Variants in UGGT2 observed in about 807,000 individuals in gnomAD.
The protein encoded by UGGT2 is UDP-glucose:glycoprotein glucosyltransferase 2.
UGGT2 carries 180 observed loss-of-function variants against 192.1 expected under a neutral mutation model. The observed-to-expected ratio is 0.94, with a 90% CI of 0.83 to 1.06. The LOEUF (loss-of-function observed/expected upper bound fraction) is 1.06, where lower values mean the gene tolerates loss of function less well. Among genes scored for constraint, UGGT2 ranks in the 50% least tolerant of loss-of-function variants. The probability of loss-of-function intolerance (pLI) is 0.00; values close to 1 mark genes in which losing one functional copy is unlikely to be tolerated. For synonymous variants in UGGT2, 580 were observed against 591.0 expected (o/e 0.98, Z 0.27); for missense variants, 1,849 against 1,795.7 (o/e 1.03, Z -0.54).
chr13:95,990,369 T>A (rs566086135), intron 7 of UGGT2: 1 of 167,142 alleles, frequency 6.0e-6, no homozygotes, highest in Non-Finnish European at 1.3e-5. Flanking sequence ...TGTTTTCATA[T>A]TACATACTTT....
chr13:95,902,776 G>T, intron 21 of UGGT2, 78 bp downstream of exon 21: 2 of 1,350,916 alleles, frequency 1.5e-6, no homozygotes, highest in South Asian at 1.4e-5. Context: ...TTGTTTTTCA[G>T]TAACAATATC....
rs1410112527 is a variant in UGGT2, at chr13:95,927,278, A to G, written c.2036T>C (p.Val679Ala). 1.9e-6 allele frequency: 3 copies of G among 1,612,254 alleles called. No homozygotes were observed. In the African/African-American group the frequency reaches 4.0e-5, roughly 22 times the overall value. The change falls in exon 18 of 39, where the codon GTA becomes GCA. Residue 679 changes from valine to alanine, a missense_variant. Coordinates refer to ENST00000376747, the MANE Select transcript of UGGT2 (RefSeq NM_020121.4). ...CAAAATCAAAGTATTTATACGGGGT[A>G]CAACATTATTCCTATCCATTAGAAA... is the stretch of plus-strand genomic sequence containing the variant. Reference protein sequence around the residue: ...IDFLMDRNNVVPRINTLILRT... With the variant: ...IDFLMDRNNVAPRINTLILRT...
chr13:96,002,519 A>T (rs1389200212), intron 5 of UGGT2, among the ~76,000 whole-genome samples: 2 of 152,202 alleles, frequency 1.3e-5, no homozygotes, highest in Non-Finnish European at 2.9e-5. Context: ...AGGCATCCAA[A>T]TATTTATGAA....
intron 1 of UGGT2, among the ~76,000 whole-genome samples, chr13:96,043,238 C>T (rs2053215479): frequency 6.6e-6 from 1 of 152,176 alleles, no homozygotes; most frequent in African/African-American, 2.4e-5. Context: ...AAACAATTAT[C>T]AGTCAAGAAT....
chr13:96,043,215 T>C (rs951873970), intron 1 of UGGT2, among the ~76,000 whole-genome samples: 4 of 152,150 alleles, frequency 2.6e-5, no homozygotes, highest in African/African-American at 9.7e-5. Context: ...CCCTATCTTC[T>C]GCCTCTTAAA....
chr13:95,828,872 A>G lies in UGGT2; in HGVS notation c.4528+4055T>C, dbSNP rs572576016. 1.6e-4 allele frequency among the ~76,000 whole-genome samples: 24 copies of G among 152,300 alleles called. No individual in the cohort carries two copies. The South Asian group carries it at 4.3e-3, about 28-fold the overall frequency. ...ACTGGGAGAGTCACAACAACAAAAG[A>G]TAATTTTAGACCAATATCCCTGATG... On this transcript the variant is annotated intron_variant, in intron 38 of 38. Coordinates refer to ENST00000376747, the MANE Select transcript of UGGT2 (RefSeq NM_020121.4).
intron 33 of UGGT2, among the ~76,000 whole-genome samples, chr13:95,857,833 C>T (rs1423188904): frequency 6.6e-6 from 1 of 152,082 alleles, no homozygotes; most frequent in African/African-American, 2.4e-5. Flanking sequence ...CACTATTGTT[C>T]TGGTGAATAA....
chr13:96,017,759 C>T (rs1283009850), intron 4 of UGGT2, among the ~76,000 whole-genome samples: 1 of 151,992 alleles, frequency 6.6e-6, no homozygotes, highest in Non-Finnish European at 1.5e-5. Flanking sequence ...GGCCATTTTC[C>T]CTTTCTACTT....
chr13:95,817,096 C>G (rs372482907), intron 38 of UGGT2, among the ~76,000 whole-genome samples: 7 of 152,056 alleles, frequency 4.6e-5, no homozygotes, highest in African/African-American at 1.7e-4. Flanking sequence ...CCATTGCATT[C>G]CAGCCTGGAT....
chr13:95,820,352 G>A (rs962565173), intron 38 of UGGT2, among the ~76,000 whole-genome samples: 1 of 152,032 alleles, frequency 6.6e-6, no homozygotes, highest in Non-Finnish European at 1.5e-5. Context: ...CCCCTAAAAA[G>A]CCCCATGTCC....
chr13:95,869,635 T>C (rs1032367626), intron 29 of UGGT2, among the ~76,000 whole-genome samples: 29 of 152,124 alleles, frequency 1.9e-4, no homozygotes, highest in Non-Finnish European at 3.4e-4. Context: ...CCAAATTGAG[T>C]CTAGATAGTC....
Position 95,812,368 on chromosome 13 carries a change from C to G in UGGT2, c.4529-10556G>C, listed in dbSNP as rs143140433. 3.2e-3 allele frequency among the ~76,000 whole-genome samples: 487 copies of G among 152,278 alleles called. 3 individuals carry two copies. The highest frequency in any genetic ancestry group is 0.011 in the African/African-American group (465 of 41,552). Reference sequence around the variant, plus strand: ...TTGGCCCACCCTTGTATAAATACTACAGTGACAAGCAGTCTTTAAGATTGG... The same window carrying G: ...TTGGCCCACCCTTGTATAAATACTAGAGTGACAAGCAGTCTTTAAGATTGG... On this transcript the variant is annotated intron_variant, in intron 38 of 38. Transcript: ENST00000376747.
intron 38 of UGGT2, among the ~76,000 whole-genome samples, chr13:95,814,996 T>C (rs1172688657): frequency 2.0e-5 from 3 of 152,168 alleles, no homozygotes; most frequent in Non-Finnish European, 2.9e-5. Flanking sequence ...TCAACAGATA[T>C]TGAAAAAGCA....
intron 38 of UGGT2, among the ~76,000 whole-genome samples, chr13:95,806,745 C>T (rs559846058): frequency 6.6e-6 from 1 of 152,050 alleles, no homozygotes; most frequent in African/African-American, 2.4e-5. Context: ...CATATATGAT[C>T]AAATGATTCT....
chr13:96,037,286 C>A (rs9562014), intron 1 of UGGT2, among the ~76,000 whole-genome samples: 1 of 152,028 alleles, frequency 6.6e-6, no homozygotes, highest in Admixed American at 6.5e-5. Context: ...GCAACCTTCA[C>A]CTCCCTGGTT....
chr13:96,007,467 G>A (rs1245675338), intron 5 of UGGT2, among the ~76,000 whole-genome samples: 5 of 151,994 alleles, frequency 3.3e-5, no homozygotes, highest in Admixed American at 2.0e-4. Flanking sequence ...TAAGGCAAGA[G>A]AAATAAATAA....
chr13:95,807,191 T>C (rs1884347577), intron 38 of UGGT2, among the ~76,000 whole-genome samples: 1 of 152,176 alleles, frequency 6.6e-6, no homozygotes, highest in Non-Finnish European at 1.5e-5. Flanking sequence ...AAGAAAATCA[T>C]AAGAGAAAAT....
intron 36 of UGGT2, among the ~76,000 whole-genome samples, chr13:95,845,260 G>A (rs1280731834): frequency 1.3e-5 from 2 of 151,432 alleles, no homozygotes; most frequent in Non-Finnish European, 2.9e-5. Flanking sequence ...CAATAGTGGA[G>A]GGAAGGTCAG....
At chr13:95,931,655 C>A (rs1374440838) in intron 17 of UGGT2, among the ~76,000 whole-genome samples, 1 of 152,096 alleles carries the variant, frequency 6.6e-6, no homozygotes, top group South Asian at 2.1e-4. Context: ...CAGTGCTGGC[C>A]CAGCGCACCC....
Sources: gnomAD v4.1 joint callset for allele counts (sites outside exome capture counted in the v4.1 genomes callset) on GRCh38, gnomAD v4.1.1 for gene constraint, MANE v1.5 for transcripts, NCBI Gene and HGNC (gene_info 2026-07-23, HGNC 2026-07-21) for gene names.